RET: variants seen among roughly 807,000 people sequenced by gnomAD.
RET encodes the protein ret proto-oncogene.
Under a neutral mutation model 118.3 loss-of-function variants are expected in RET, and 19 were observed. The observed-to-expected ratio is 0.16, with a 90% CI of 0.11 to 0.24. RET has a LOEUF of 0.24. Among genes scored for constraint, RET ranks in the 10% least tolerant of loss-of-function variants. The pLI is 1.00. For missense variants in RET, 1,219 were observed against 1,502.1 expected (o/e 0.81, Z 3.12); for synonymous variants, 597 against 644.1 (o/e 0.93, Z 1.11).
intron 1 of RET, among the ~76,000 whole-genome samples, chr10:43,078,536 T>G (rs1764233809): frequency 6.6e-6 from 1 of 152,364 alleles, no homozygotes; most frequent in African/African-American, 2.4e-5. Context: ...CTATCTTTTC[T>G]GAGTGTTAGG....
At chr10:43,120,233 C>T in intron 15 of RET, 30 bp downstream of exon 15, 1 of 1,610,180 alleles carries the variant, frequency 6.2e-7, no homozygotes, top group South Asian at 1.1e-5. Flanking sequence ...AGGCGGGGCT[C>T]CCAGGGATCC....
chr10:43,120,008 G>T lies in RET; in HGVS notation c.2608-73G>T, dbSNP rs1007036689. Reference sequence around the variant, plus strand: ...CGGGCCACACACCACCCCTCTGCTGGTCACACCAGGCTGAGCCAGTGACCG... The same window carrying T: ...CGGGCCACACACCACCCCTCTGCTGTTCACACCAGGCTGAGCCAGTGACCG... On this transcript the variant is annotated intron_variant, in intron 14 of 19. Coordinates refer to ENST00000355710, the MANE Select transcript of RET (RefSeq NM_020975.6). 6 of 1,598,244 alleles carry T rather than the reference G, an allele frequency of 3.8e-6. No homozygotes were observed. The Admixed American group carries it at 1.0e-4, about 27-fold the overall frequency.
Position 43,119,568 on chromosome 10 carries a change from C to G in RET, c.2430C>G (p.Gly810=), listed in dbSNP as rs749997455. 24 of 1,609,812 alleles carry G rather than the reference C, an allele frequency of 1.5e-5. No homozygotes were observed. Among genetic ancestry groups the G allele is most frequent in the Non-Finnish European group, 2.0e-5 (23 of 1,179,324 alleles). ...TCATCGTGGAGTACGCCAAATACGG[C>G]TCCCTGCGGGGCTTCCTCCGCGAGA... ...LLLIVEYAKY[G]SLRGFLRESR... The change falls in exon 14 of 20, where the codon GGC becomes GGG. Residue 810 remains glycine (G), a synonymous_variant. Coordinates refer to ENST00000355710, the MANE Select transcript of RET (RefSeq NM_020975.6).
chr10:43,114,358 G>T lies in RET; in HGVS notation c.1880-122G>T. On this transcript the variant is annotated intron_variant, in intron 10 of 19. Coordinates refer to ENST00000355710, the MANE Select transcript of RET (RefSeq NM_020975.6). This position sits in a 1 kb window ranked among gnomAD's most constrained non-coding sequence, Gnocchi z 4.6. Reference sequence around the variant, plus strand: ...TCTCAGGCCTTCCCACACCTCCATGGCCACTTCCCAGCTGGCGCGGACACG... The same window carrying T: ...TCTCAGGCCTTCCCACACCTCCATGTCCACTTCCCAGCTGGCGCGGACACG... 1 of 1,377,850 alleles carries T rather than the reference G, an allele frequency of 7.3e-7. No individual in the cohort carries two copies. Among genetic ancestry groups the T allele is most frequent in the East Asian group, 2.4e-5 (1 of 40,942 alleles). The allele number at this position is 1,377,850 out of a possible 1,614,324, so 85.4% of individuals were successfully genotyped here.
chr10:43,124,446 G>A (rs11238442), intron 17 of RET, among the ~76,000 whole-genome samples: 2,864 of 152,250 alleles, frequency 0.019, 89 homozygotes, highest in African/African-American at 0.065. Context: ...CAGGACAGAC[G>A]TGTGATTGCC....
chr10:43,118,314 G>A, intron 12 of RET, 59 bp from the exon 13 acceptor site: 1 of 1,352,556 alleles, frequency 7.4e-7, no homozygotes, highest in Non-Finnish European at 1.1e-6. Flanking sequence ...GACCTGGTAT[G>A]GTCATGGAAG....
intron 1 of RET, among the ~76,000 whole-genome samples, chr10:43,097,162 G>A (rs1251971250): frequency 6.6e-6 from 1 of 152,160 alleles, no homozygotes; most frequent in Non-Finnish European, 1.5e-5. Flanking sequence ...TGTGGTGGGG[G>A]CTTTGGGAAG....
chr10:43,112,399 A>G (rs1372375224), intron 8 of RET, among the ~76,000 whole-genome samples, 175 bp downstream of exon 8: 1 of 152,178 alleles, frequency 6.6e-6, no homozygotes, highest in East Asian at 1.9e-4. Flanking sequence ...AGGGCTTGGG[A>G]GAGGGCTTGT....
intron 3 of RET, among the ~76,000 whole-genome samples, chr10:43,104,248 G>A (rs1837706504): frequency 1.3e-5 from 2 of 150,932 alleles, no homozygotes; most frequent in Non-Finnish European, 1.5e-5. Context: ...GCTTTCTCAC[G>A]TTCTCTAAAA....
chr10:43,111,748 C>T (rs571919028), intron 7 of RET, among the ~76,000 whole-genome samples: 60 of 152,346 alleles, frequency 3.9e-4, no homozygotes, highest in Middle Eastern at 3.4e-3. Context: ...ACCTCTAGGT[C>T]CATCCATGCC....
chr10:43,119,718 G>A lies in RET; in HGVS notation c.2580G>A (p.Gln860=), dbSNP rs886046988. ...DLISFAWQIS[Q]GMQYLAEMKL... is the part of the protein sequence containing the mutation. ...TCTCATTTGCCTGGCAGATCTCACA[G>A]GGGATGCAGTATCTGGCCGAGATGA... The change falls in exon 14 of 20, where the codon CAG becomes CAA. Residue 860 remains glutamine, a synonymous_variant. Transcript: ENST00000355710. 3.1e-6 allele frequency: 5 copies of A among 1,613,500 alleles called. No individual in the cohort carries two copies. The highest frequency in any genetic ancestry group is 4.2e-6 in the Non-Finnish European group (5 of 1,179,952).
intron 1 of RET, among the ~76,000 whole-genome samples, chr10:43,094,388 G>A (rs913303244): frequency 1.3e-5 from 2 of 151,914 alleles, no homozygotes; most frequent in Admixed American, 1.3e-4. Flanking sequence ...TCTGCAGGAA[G>A]GGCCTGCTCT....
At chr10:43,099,400 A>G (rs1837585996) in intron 1 of RET, among the ~76,000 whole-genome samples, 1 of 152,108 alleles carries the variant, frequency 6.6e-6, no homozygotes, top group African/African-American at 2.4e-5. Context: ...AATCCCAGCT[A>G]CTGGGGAGGC....
In RET at chr10:43,119,565, C is replaced by T. The variant is rs577929869; in HGVS notation, c.2427C>T (p.Tyr809=). ...TCCTCATCGTGGAGTACGCCAAATA[C>T]GGCTCCCTGCGGGGCTTCCTCCGCG... ...PLLLIVEYAK[Y]GSLRGFLRES... is the part of the protein sequence containing the mutation. The change falls in exon 14 of 20, where the codon TAC becomes TAT. Residue 809 remains tyrosine (Y), a synonymous_variant. Transcript: ENST00000355710. 52 of 1,608,670 alleles carry T rather than the reference C, an allele frequency of 3.2e-5. No individual in the cohort carries two copies. The highest frequency in any genetic ancestry group is 3.7e-4 in the Middle Eastern group (2 of 5,460).
chr10:43,089,950 TG>T (rs745329329), intron 1 of RET, among the ~76,000 whole-genome samples: 9 of 152,066 alleles, frequency 5.9e-5, no homozygotes, highest in Non-Finnish European at 1.2e-4. Flanking sequence ...TTCAGGACAG[TG>T]GGCAGGACTC....
rs1425126893 is a variant in RET, at chr10:43,128,642, A to G, written c.*373A>G. 1 of 395,678 alleles carries G rather than the reference A, an allele frequency of 2.5e-6. No individual in the cohort carries two copies. The highest frequency in any genetic ancestry group is 4.7e-6 in the Non-Finnish European group (1 of 212,024). 24.5% of individuals were successfully genotyped at this position (395,678 alleles called of 1,614,324 possible). On this transcript the variant is annotated 3_prime_UTR_variant, in exon 20 of 20. Coordinates refer to ENST00000355710, the MANE Select transcript of RET (RefSeq NM_020975.6). ...TATGAAATTGGACCTGAACTGTTGG[A>G]TTTTTCTAGTTGCCGCCAAACAAGG...
chr10:43,112,768 A>T, intron 8 of RET, 85 bp from the exon 9 acceptor site: 1 of 1,064,962 alleles, frequency 9.4e-7, no homozygotes, highest in South Asian at 1.3e-5. Context: ...GCTCCTCCCT[A>T]GAGGGGCAGG....
chr10:43,114,448 G>A lies in RET; in HGVS notation c.1880-32G>A, dbSNP rs377586654. The A allele has an allele frequency of 6.8e-5, 109 of 1,603,412 alleles. No homozygotes were observed. Among genetic ancestry groups the A allele is most frequent in the African/African-American group, 1.5e-4 (11 of 74,896 alleles). ...TACCCAGTGGTGCCGAGCCTCTGGC[G>A]GTGCCAAGCCTCACACCACCCCCAC... On this transcript the variant is annotated intron_variant, in intron 10 of 19. Transcript: ENST00000355710. This position sits in a 1 kb window ranked among gnomAD's most constrained non-coding sequence, Gnocchi z 4.6.
chr10:43,087,944 G>T (rs922989000), intron 1 of RET, among the ~76,000 whole-genome samples: 1 of 152,206 alleles, frequency 6.6e-6, no homozygotes, highest in African/African-American at 2.4e-5. Context: ...TGTTGGTAGT[G>T]GTGGTATTGG....
Sources: allele counts gnomAD v4.1 joint callset (sites outside exome capture counted in the v4.1 genomes callset), GRCh38; gene constraint gnomAD v4.1.1; non-coding constraint Gnocchi (gnomAD v3.1); transcripts MANE v1.5; gene names NCBI Gene and HGNC (gene_info 2026-07-23, HGNC 2026-07-21).